Variants in LRP1B observed in about 807,000 individuals in gnomAD.
LRP1B encodes LDL receptor related protein 1B, also known as low-density lipoprotein receptor-related protein 1B.
A neutral mutation model predicts 556.6 loss-of-function variants in LRP1B; 217 were observed. That is an observed-to-expected ratio of 0.39 (90% CI 0.35 to 0.44). The LOEUF is 0.44. Ranked by LOEUF, LRP1B falls within the 20% of genes least tolerant of loss-of-function variation. The pLI, the probability that LRP1B is intolerant of heterozygous loss-of-function variation, is 1.00. For synonymous variants in LRP1B, 2,047 were observed against 1,865.8 expected (o/e 1.10, Z -2.50); for missense variants, 5,053 against 5,620.8 (o/e 0.90, Z 3.23).
At chr2:141,360,502 G>A (rs1055867320) in intron 3 of LRP1B, among the ~76,000 whole-genome samples, 1 of 152,200 alleles carries the variant, frequency 6.6e-6, no homozygotes, top group African/African-American at 2.4e-5. Flanking sequence ...TCATCAATGT[G>A]TGTTTATTGA....
intron 17 of LRP1B, among the ~76,000 whole-genome samples, chr2:140,986,877 C>T (rs143874169): frequency 8.8e-4 from 134 of 152,196 alleles, no homozygotes; most frequent in Non-Finnish European, 1.3e-3. Context: ...TTATTGTGGA[C>T]AAGGGTTTTC....
intron 2 of LRP1B, among the ~76,000 whole-genome samples, chr2:141,482,325 C>G (rs554025214): frequency 2.6e-5 from 4 of 152,188 alleles, no homozygotes; most frequent in African/African-American, 9.6e-5. Context: ...TGTAGCTTCA[C>G]TAGCTGAATT....
chr2:140,289,604 CTTTTTT>C (rs199993173), intron 84 of LRP1B, among the ~76,000 whole-genome samples: 1 of 143,970 alleles, frequency 6.9e-6, no homozygotes, highest in Non-Finnish European at 1.5e-5. Context: ...ATTATTTTTA[CTTTTTT>C]TTTTAATGAA....
At chr2:140,284,405 G>T (rs1683041236) in intron 84 of LRP1B, among the ~76,000 whole-genome samples, 1 of 149,056 alleles carries the variant, frequency 6.7e-6, no homozygotes, top group Admixed American at 6.8e-5. Flanking sequence ...AAGCTGGATA[G>T]GAGGTAATCA....
At chr2:141,360,384 G>T (rs1385262789) in intron 3 of LRP1B, among the ~76,000 whole-genome samples, 1 of 152,156 alleles carries the variant, frequency 6.6e-6, no homozygotes, top group Non-Finnish European at 1.5e-5. Context: ...TATCTTGCAG[G>T]AATACTTGTA....
At chr2:140,435,708 A>G (rs1375536567) in intron 66 of LRP1B, among the ~76,000 whole-genome samples, 2 of 152,048 alleles carry the variant, frequency 1.3e-5, no homozygotes, top group Non-Finnish European at 2.9e-5. Context: ...GAATAATTGC[A>G]TATCCTTTTG....
At chr2:140,684,894 G>T (rs1266306089) in intron 41 of LRP1B, among the ~76,000 whole-genome samples, 1 of 152,054 alleles carries the variant, frequency 6.6e-6, no homozygotes, top group African/African-American at 2.4e-5. Context: ...CTAACAATAG[G>T]AACATATTCT....
chr2:140,888,241 T>TA (rs1370317725), intron 23 of LRP1B, among the ~76,000 whole-genome samples: 4 of 152,152 alleles, frequency 2.6e-5, no homozygotes, highest in Non-Finnish European at 5.9e-5. Context: ...GCCAACAATT[T>TA]AGTTCTGTTT....
chr2:140,707,503 T>C (rs1686881619), intron 37 of LRP1B, among the ~76,000 whole-genome samples: 1 of 152,120 alleles, frequency 6.6e-6, no homozygotes, highest in African/African-American at 2.4e-5. Context: ...TGCTTGTAAT[T>C]TCCAATTTCT....
intron 2 of LRP1B, among the ~76,000 whole-genome samples, chr2:141,580,472 G>T (rs2105278608): frequency 6.6e-6 from 1 of 152,284 alleles, no homozygotes; most frequent in East Asian, 1.9e-4. Context: ...AGGGAATTCT[G>T]GTGTGGACTG....
At chr2:141,321,953 C>A (rs1296902150) in intron 3 of LRP1B, among the ~76,000 whole-genome samples, 1 of 152,118 alleles carries the variant, frequency 6.6e-6, no homozygotes, top group East Asian at 1.9e-4. Context: ...TGCACTAGAG[C>A]TTTCTAGTCT....
intron 3 of LRP1B, among the ~76,000 whole-genome samples, chr2:141,385,164 T>C (rs2104894653): frequency 6.6e-6 from 1 of 152,304 alleles, no homozygotes; most frequent in East Asian, 1.9e-4. Flanking sequence ...GTTATAGATG[T>C]TAATTGTAAG....
At chr2:141,799,269 C>T (rs1484336911) in intron 2 of LRP1B, among the ~76,000 whole-genome samples, 1 of 152,140 alleles carries the variant, frequency 6.6e-6, no homozygotes, top group East Asian at 1.9e-4. Context: ...GATTATATCA[C>T]ATTCCGTGAC....
chr2:141,479,658 T>C (rs1490015279), intron 3 of LRP1B, among the ~76,000 whole-genome samples: 3 of 152,156 alleles, frequency 2.0e-5, no homozygotes, highest in Non-Finnish European at 2.9e-5. Flanking sequence ...CCTGATTCAC[T>C]TGACTGATAC....
At chr2:141,898,687 C>T (rs1050652685) in intron 1 of LRP1B, among the ~76,000 whole-genome samples, 12 of 152,036 alleles carry the variant, frequency 7.9e-5, no homozygotes, top group Non-Finnish European at 1.5e-4. Context: ...ATGAGAAAAA[C>T]GGCAGGCAAC....
chr2:141,306,424 G>T (rs1341496008), intron 3 of LRP1B, among the ~76,000 whole-genome samples: 1 of 151,996 alleles, frequency 6.6e-6, no homozygotes, highest in East Asian at 1.9e-4. Flanking sequence ...GTATGTCATT[G>T]TTTATAATAG....
At chr2:141,338,524 A>G (rs2105510416) in intron 3 of LRP1B, among the ~76,000 whole-genome samples, 1 of 152,278 alleles carries the variant, frequency 6.6e-6, no homozygotes, top group South Asian at 2.1e-4. Flanking sequence ...TTCCACTTGA[A>G]TACATCTACT....
chr2:141,160,019 T>C (rs919339059), intron 7 of LRP1B, among the ~76,000 whole-genome samples: 4 of 151,818 alleles, frequency 2.6e-5, no homozygotes, highest in Non-Finnish European at 5.9e-5. Flanking sequence ...GGAGAGAACT[T>C]AGAGGGCAGG....
chr2:141,852,308 C>A (rs1418734862), intron 1 of LRP1B, among the ~76,000 whole-genome samples: 5 of 151,612 alleles, frequency 3.3e-5, no homozygotes, highest in Non-Finnish European at 7.4e-5. Flanking sequence ...ACTTGACCTT[C>A]CTTCAAAATG....
Sources: allele counts gnomAD v4.1 joint callset (sites outside exome capture counted in the v4.1 genomes callset), GRCh38; gene constraint gnomAD v4.1.1; transcripts MANE v1.5; gene names NCBI Gene and HGNC (gene_info 2026-07-23, HGNC 2026-07-21).